Variants in FUT8 observed in about 807,000 individuals in gnomAD.
The protein encoded by FUT8 is alpha-(1,6)-fucosyltransferase.
A neutral mutation model predicts 71.3 loss-of-function variants in FUT8; 29 were observed. The ratio of observed to expected loss-of-function variants is 0.41; its 90% confidence interval spans 0.30 to 0.55. The LOEUF (loss-of-function observed/expected upper bound fraction) is 0.55. FUT8 is among the 20% of genes least tolerant of loss of function. The pLI, the probability that FUT8 is intolerant of heterozygous loss-of-function variation, is 0.34. For synonymous variants in FUT8, 254 were observed against 239.3 expected (o/e 1.06, Z -0.57); for missense variants, 544 against 702.1 (o/e 0.77, Z 2.55).
At chr14:65,577,480 G>A (rs1304494157) in intron 3 of FUT8, among the ~76,000 whole-genome samples, 1 of 152,110 alleles carries the variant, frequency 6.6e-6, no homozygotes, top group East Asian at 1.9e-4. Context: ...TTTGCAATAA[G>A]TTTAAAATGA....
At chr14:65,682,624 T>A (rs1345710937) in intron 7 of FUT8, among the ~76,000 whole-genome samples, 1 of 152,168 alleles carries the variant, frequency 6.6e-6, no homozygotes, top group Non-Finnish European at 1.5e-5. Context: ...ACATCTTAGG[T>A]ATAGAAATCT....
intron 2 of FUT8, among the ~76,000 whole-genome samples, chr14:65,527,161 C>G (rs1231777551): frequency 6.6e-6 from 1 of 152,158 alleles, no homozygotes; most frequent in Non-Finnish European, 1.5e-5. Flanking sequence ...AGAGTGTTTT[C>G]CAACTTGGTT....
Position 65,472,333 on chromosome 14 carries a change from C to T in FUT8, c.-228+16615C>T, listed in dbSNP as rs1431419902. 6.6e-6 allele frequency among the ~76,000 whole-genome samples: 1 copy of T among 152,066 alleles called. No homozygotes were observed. Among genetic ancestry groups the T allele is most frequent in the Non-Finnish European group, 1.5e-5 (1 of 68,010 alleles). ...GACCTCAAGCATGCCTGAGGAAGAG[C>T]ATTAATTTATTCTTGAGGGTTCTGA... On this transcript the variant is annotated intron_variant, in intron 2 of 10. Transcript: ENST00000673929. This position sits in a 1 kb window ranked among gnomAD's most constrained non-coding sequence, Gnocchi z 4.4.
chr14:65,705,533 A>G (rs949614123), intron 7 of FUT8, among the ~76,000 whole-genome samples: 21 of 152,194 alleles, frequency 1.4e-4, no homozygotes, highest in African/African-American at 4.8e-4. Flanking sequence ...TGCCTCCTCT[A>G]AAAACTTTTT....
chr14:65,432,727 A>G (rs146928221), intron 1 of FUT8, among the ~76,000 whole-genome samples: 10 of 152,330 alleles, frequency 6.6e-5, no homozygotes, highest in Non-Finnish European at 1.3e-4. Flanking sequence ...ACCTCTGGTC[A>G]TCCTCACTAC....
intron 3 of FUT8, among the ~76,000 whole-genome samples, chr14:65,591,949 G>A (rs1329001760): frequency 1.3e-5 from 2 of 151,390 alleles, no homozygotes; most frequent in Non-Finnish European, 1.5e-5. Flanking sequence ...GCATGAGTTG[G>A]TTGTAACTAA....
At chr14:65,570,405 GT>G (rs5809281) in intron 3 of FUT8, among the ~76,000 whole-genome samples, 26 of 149,224 alleles carry the variant, frequency 1.7e-4, no homozygotes, top group African/African-American at 3.9e-4. Context: ...ATATTTGCAA[GT>G]TTTTTTTTTT....
At chr14:65,464,724 A>G (rs894287154) in intron 2 of FUT8, among the ~76,000 whole-genome samples, 1 of 152,094 alleles carries the variant, frequency 6.6e-6, no homozygotes, top group African/African-American at 2.4e-5. Context: ...CGTGGTGTAT[A>G]ATGTGATTTG....
At chr14:65,414,392 G>C (rs565625122) in intron 1 of FUT8, among the ~76,000 whole-genome samples, 1 of 152,232 alleles carries the variant, frequency 6.6e-6, no homozygotes, top group African/African-American at 2.4e-5. Flanking sequence ...AGTATTTTAG[G>C]AGAGAAATTA....
chr14:65,439,993 T>TATATATATAC (rs1555361023), intron 1 of FUT8, among the ~76,000 whole-genome samples: 4 of 138,160 alleles, frequency 2.9e-5, no homozygotes, highest in Admixed American at 7.3e-5. Flanking sequence ...TATATATATG[T>TATATATATAC]ACACACACAC....
At chr14:65,673,557 G>C (rs1892573312) in intron 7 of FUT8, among the ~76,000 whole-genome samples, 1 of 152,184 alleles carries the variant, frequency 6.6e-6, no homozygotes, top group African/African-American at 2.4e-5. Context: ...AGTCAACCAG[G>C]TAGGGACATG....
At chr14:65,417,141 G>T (rs902732806) in intron 1 of FUT8, among the ~76,000 whole-genome samples, 1 of 152,104 alleles carries the variant, frequency 6.6e-6, no homozygotes, top group African/African-American at 2.4e-5. Flanking sequence ...GTTTAAAAGA[G>T]ACAGGGTCTT....
At chr14:65,559,387 G>C (rs1305495320) in intron 2 of FUT8, among the ~76,000 whole-genome samples, 1 of 152,092 alleles carries the variant, frequency 6.6e-6, no homozygotes, top group African/African-American at 2.4e-5. Context: ...CGTTGTATTA[G>C]GTGTTATAAG....
chr14:65,461,728 AG>A (rs1175154406), intron 2 of FUT8, among the ~76,000 whole-genome samples: 1 of 152,204 alleles, frequency 6.6e-6, no homozygotes, highest in Non-Finnish European at 1.5e-5. Context: ...CTGCATAGAA[AG>A]CCAATCACTG....
the FUT8 span, among the ~76,000 whole-genome samples, chr14:65,371,918 A>ATATG: frequency 6.6e-6 from 1 of 152,118 alleles, no homozygotes; most frequent in Non-Finnish European, 1.5e-5. Flanking sequence ...ATGTATATAT[A>ATATG]TATACAAACA....
At chr14:65,475,625 C>T (rs968723241) in intron 2 of FUT8, among the ~76,000 whole-genome samples, 1 of 151,920 alleles carries the variant, frequency 6.6e-6, no homozygotes, top group Non-Finnish European at 1.5e-5. Context: ...GCATGTAGTC[C>T]TAGGTACTTA....
rs145943847 is a variant in FUT8, at chr14:65,459,085, G to A, written c.-228+3367G>A. Among the ~76,000 whole-genome samples, 433 of 152,166 alleles carry A rather than the reference G, an allele frequency of 2.8e-3. 2 individuals are homozygous for A. The highest frequency in any genetic ancestry group is 9.9e-3 in the African/African-American group (412 of 41,512). ...ATTATAGATGTGAGGCACTGTGCCC[G>A]GTCAGAGAACATTTCTTAAATAGAC... is the stretch of plus-strand genomic sequence containing the variant. On this transcript the variant is annotated intron_variant, in intron 2 of 10. Coordinates refer to ENST00000673929, the MANE Select transcript of FUT8 (RefSeq NM_001371533.1).
the FUT8 span, among the ~76,000 whole-genome samples, chr14:65,390,761 T>C: frequency 6.7e-6 from 1 of 149,598 alleles, no homozygotes; most frequent in African/African-American, 2.5e-5. Context: ...TCTCGCTATG[T>C]CACCCTGGCT....
At chr14:65,540,363 T>C (rs1045065157) in intron 2 of FUT8, among the ~76,000 whole-genome samples, 1 of 152,224 alleles carries the variant, frequency 6.6e-6, no homozygotes, top group Middle Eastern at 3.2e-3. Context: ...AGAAGTATTA[T>C]GTGTGTACTT....
Sources: allele counts gnomAD v4.1 joint callset (sites outside exome capture counted in the v4.1 genomes callset), GRCh38; gene constraint gnomAD v4.1.1; non-coding constraint Gnocchi (gnomAD v3.1); transcripts MANE v1.5; gene names NCBI Gene and HGNC (gene_info 2026-07-23, HGNC 2026-07-21).